The following PURG variants were observed in gnomAD, a reference collection of about 807,000 sequenced individuals.
PURG encodes the protein purine rich element binding protein G.
A neutral mutation model predicts 24.3 loss-of-function variants in PURG; 3 were observed. The ratio of observed to expected loss-of-function variants is 0.12; its 90% CI spans 0.06 to 0.32. PURG has a LOEUF of 0.32. Among genes scored for constraint, PURG ranks in the 10% least tolerant of loss-of-function variants. The pLI is 1.00. For synonymous variants in PURG, 180 were observed against 173.1 expected (o/e 1.04, Z -0.31); for missense variants, 371 against 439.1 (o/e 0.84, Z 1.39).
chr8:31,021,963 A>ATTTC (rs1477288531), intron 1 of PURG, among the ~76,000 whole-genome samples: 1 of 146,076 alleles, frequency 6.8e-6, no homozygotes. Context: ...GACCAAATTC[A>ATTTC]TTTCTTTCTT....
At chr8:31,008,303 C>A (rs939212631) in intron 1 of PURG, among the ~76,000 whole-genome samples, 1 of 152,104 alleles carries the variant, frequency 6.6e-6, no homozygotes, top group African/African-American at 2.4e-5. Context: ...AGGCATTTAA[C>A]TTTCTGTTTT....
intron 1 of PURG, among the ~76,000 whole-genome samples, chr8:31,014,300 T>A (rs1357575538): frequency 6.6e-6 from 1 of 152,184 alleles, no homozygotes; most frequent in Non-Finnish European, 1.5e-5. Flanking sequence ...AAGACAGATG[T>A]TTTTCCCTAT....
At chr8:31,008,966 A>G (rs1185898308) in intron 1 of PURG, among the ~76,000 whole-genome samples, 2 of 152,164 alleles carry the variant, frequency 1.3e-5, no homozygotes, top group Non-Finnish European at 2.9e-5. Context: ...GAAGTGGATT[A>G]AAGTCATTGT....
chr8:30,997,926 T>C (rs942166421), intron 1 of PURG, among the ~76,000 whole-genome samples: 1 of 151,822 alleles, frequency 6.6e-6, no homozygotes, highest in Non-Finnish European at 1.5e-5. Flanking sequence ...TCACCAGGCA[T>C]GGCTGACTTG....
chr8:31,031,025 T>G lies in PURG; in HGVS notation c.*714A>C, dbSNP rs1337790891. The G allele has an allele frequency of 1.3e-5, 2 of 152,418 alleles. No individual in the cohort carries two copies. The highest frequency in any genetic ancestry group is 3.9e-4 in the East Asian group (2 of 5,192). 9.4% of individuals were successfully genotyped at this position (152,418 alleles called of 1,614,324 possible). A position where few individuals can be genotyped will look rare whatever the true frequency, so the allele number is the denominator to read the frequency against. Reference sequence around the variant, plus strand: ...CAATAAAAATATATGGAACATTAAGTAGAGGTAAAGAAGGGATTGTAACTA... The same window carrying G: ...CAATAAAAATATATGGAACATTAAGGAGAGGTAAAGAAGGGATTGTAACTA... On this transcript the variant is annotated 3_prime_UTR_variant, in exon 2 of 2. Transcript: ENST00000523392.
chr8:31,016,772 T>C (rs1271792956), intron 1 of PURG, among the ~76,000 whole-genome samples: 1 of 151,962 alleles, frequency 6.6e-6, no homozygotes, highest in Non-Finnish European at 1.5e-5. Flanking sequence ...TATTTTTATT[T>C]AATACACCTG....
At chr8:30,998,948 A>G (rs1362910) in intron 1 of PURG, among the ~76,000 whole-genome samples, 70,814 of 151,728 alleles carry the variant, frequency 0.47, 19,653 homozygotes, top group East Asian at 0.77. Flanking sequence ...CATAATCTAT[A>G]TTGGTGCCAA....
intron 1 of PURG, among the ~76,000 whole-genome samples, chr8:31,005,304 G>A (rs1320820470): frequency 6.6e-6 from 1 of 151,974 alleles, no homozygotes; most frequent in African/African-American, 2.4e-5. Context: ...GTGGTGGCAT[G>A]TGCCTGTAGT....
chr8:31,015,473 A>T lies in PURG; in HGVS notation c.864+16446T>A, dbSNP rs149744843. ...TAGGTTTATACTGCATATATATTTT[A>T]AAAAAAAAAGAGGTTGAGAAATGTC... On this transcript the variant is annotated intron_variant, in intron 1 of 1. Transcript: ENST00000339382. Among the ~76,000 whole-genome samples the T allele has an allele frequency of 9.2e-3, 1,371 of 149,514 alleles. 73 individuals carry two copies. Among genetic ancestry groups the T allele is most frequent in the Admixed American group, 0.082 (1,226 of 14,990 alleles).
chr8:30,996,819 C>A, intron 1 of PURG: 1 of 764,480 alleles, frequency 1.3e-6, no homozygotes, highest in Non-Finnish European at 2.1e-6. Flanking sequence ...AAGCATGTAA[C>A]AAACCCTCAA....
At chr8:31,000,623 C>T (rs1380707515) in intron 1 of PURG, among the ~76,000 whole-genome samples, 1 of 152,038 alleles carries the variant, frequency 6.6e-6, no homozygotes, top group Non-Finnish European at 1.5e-5. Context: ...AGGGTGAAAG[C>T]TGGTAAGAAC....
rs1482731888 is a variant in PURG at position 31,031,389 on chromosome 8, T to G, written c.*350A>C. The G allele has an allele frequency of 5.3e-6, 1 of 190,426 alleles. No individual in the cohort carries two copies. 11.8% of individuals were successfully genotyped at this position (190,426 alleles called of 1,614,324 possible). On this transcript the variant is annotated 3_prime_UTR_variant, in exon 2 of 2. Transcript: ENST00000523392. ...TTTGGGGGAAAGTCACACTTCTATT[T>G]AAGTATATGTATCTTTTTTCGGGAT...
intron 1 of PURG, among the ~76,000 whole-genome samples, chr8:30,999,888 A>G (rs1810502211): frequency 6.6e-6 from 1 of 151,960 alleles, no homozygotes; most frequent in Non-Finnish European, 1.5e-5. Context: ...TTACCATAAA[A>G]CCTGAAAACA....
Position 31,032,792 on chromosome 8 carries a change from C to A in PURG, c.-6-4G>T. 7.1e-7 allele frequency: 1 copy of A among 1,408,944 alleles called. No individual in the cohort carries two copies. Among genetic ancestry groups the A allele is most frequent in the Non-Finnish European group, 9.3e-7 (1 of 1,077,308 alleles). The allele number at this position is 1,408,944 out of a possible 1,614,324, so 87.3% of individuals were successfully genotyped here. A position where few individuals can be genotyped will look rare whatever the true frequency, so the allele number is the denominator to read the frequency against. On this transcript the variant is annotated splice_region_variant and splice_polypyrimidine_tract_variant and intron_variant, in intron 1 of 1. Transcript: ENST00000523392. This position sits in a 1 kb window ranked among gnomAD's most constrained non-coding sequence, Gnocchi z 5.9. ...GCCTGGCTCTTTCCATCTTCAGCTG[C>A]AAGTAACAAACAGACACACGGGATG...
chr8:31,030,364 A>C (rs968854978), downstream of PURG, among the ~76,000 whole-genome samples: 2 of 152,024 alleles, frequency 1.3e-5, no homozygotes, highest in African/African-American at 4.8e-5. Context: ...AATTTCATTC[A>C]GAAGAAAATA....
intron 1 of PURG, among the ~76,000 whole-genome samples, chr8:31,000,152 T>C (rs12234936): frequency 0.47 from 70,927 of 151,908 alleles, 19,680 homozygotes; most frequent in East Asian, 0.77. Flanking sequence ...GCAAAAAATA[T>C]GATGCATGGG....
downstream of PURG, among the ~76,000 whole-genome samples, chr8:31,026,797 C>A (rs2129841784): frequency 6.6e-6 from 1 of 151,090 alleles, no homozygotes; most frequent in Non-Finnish European, 1.5e-5. Context: ...TTTCCCTATT[C>A]AAAAATATTG....
At chr8:31,012,756 G>A (rs1810787920) in intron 1 of PURG, among the ~76,000 whole-genome samples, 1 of 152,202 alleles carries the variant, frequency 6.6e-6, no homozygotes, top group Non-Finnish European at 1.5e-5. Context: ...ATAGAGCCAA[G>A]GCTTCTGAAA....
In PURG at chr8:31,032,685, TG is replaced by T; in HGVS notation, c.97del (p.Gln33ArgfsTer42). 6.5e-7 allele frequency: 1 copy of T among 1,542,660 alleles called. No homozygotes were observed. Among genetic ancestry groups the T allele is most frequent in the Non-Finnish European group, 8.7e-7 (1 of 1,144,424 alleles). ...GTGGGGGTAGTGGGAGTGCTGGGCCTGGGGATAGAGTCTACTCTTGCTTAGG... is the reference window on the plus strand; with the variant it reads ...GTGGGGGTAGTGGGAGTGCTGGGCCTGGGATAGAGTCTACTCTTGCTTAGG... Reference protein sequence around the residue: ...SGLSKSRLYPQAQHSHYPHYA... With the variant: ...SGLSKSRLYPXAQHSHYPHYA... On this transcript the variant is annotated frameshift_variant, in exon 2 of 2. Coordinates refer to ENST00000523392, the MANE Select transcript of PURG (RefSeq NM_001323311.2). LOFTEE classifies it high-confidence loss of function. The surrounding 1 kb of genome is among the most constrained non-coding windows in gnomAD (Gnocchi z 5.9).
Sources: allele counts gnomAD v4.1 joint callset (sites outside exome capture counted in the v4.1 genomes callset), GRCh38; gene constraint gnomAD v4.1.1; non-coding constraint Gnocchi (gnomAD v3.1); transcripts MANE v1.5; gene names NCBI Gene and HGNC (gene_info 2026-07-23, HGNC 2026-07-21).